Variants in BIN3 observed in about 807,000 individuals in gnomAD.
BIN3 encodes the protein bridging integrator 3.
BIN3 carries 41 observed loss-of-function variants against 38.2 expected under a neutral mutation model. The observed-to-expected ratio is 1.07, with a 90% CI of 0.84 to 1.39. The LOEUF is 1.39. Among genes scored for constraint, BIN3 ranks in the 40% most tolerant of loss-of-function variants. The probability of loss-of-function intolerance (pLI) is 0.00; values close to 1 mark genes in which losing one functional copy is unlikely to be tolerated. For missense variants in BIN3, 361 were observed against 324.3 expected (o/e 1.11, Z -0.87); for synonymous variants, 145 against 122.6 (o/e 1.18, Z -1.21).
intron 1 of BIN3, among the ~76,000 whole-genome samples, chr8:22,664,793 TCAGA>T (rs770485645): frequency 1.3e-5 from 2 of 152,142 alleles, no homozygotes; most frequent in Non-Finnish European, 2.9e-5. Flanking sequence ...AAGCATGAAG[TCAGA>T]CAAAGGACGG....
At chr8:22,668,962 G>T (rs1803517315) in intron 1 of BIN3, 82 bp downstream of exon 1, 1 of 1,532,410 alleles carries the variant, frequency 6.5e-7, no homozygotes, top group South Asian at 1.2e-5. Context: ...ACCGGAGGGA[G>T]CCGGGACGCG....
At chr8:22,668,974 C>A in intron 1 of BIN3, 70 bp downstream of exon 1, 2 of 1,546,874 alleles carry the variant, frequency 1.3e-6, no homozygotes, top group African/African-American at 1.4e-5. Flanking sequence ...CGGGACGCGG[C>A]ACTGACACAG....
At chr8:22,640,480 C>G (rs1044195687) in intron 2 of BIN3, among the ~76,000 whole-genome samples, 1 of 152,158 alleles carries the variant, frequency 6.6e-6, no homozygotes, top group African/African-American at 2.4e-5. Context: ...TGAGCCACCG[C>G]GCACGGCCCA....
chr8:22,624,078 T>A, intron 7 of BIN3, 29 bp from the exon 8 acceptor site: 2 of 1,507,874 alleles, frequency 1.3e-6, no homozygotes, highest in South Asian at 1.1e-5. Context: ...GTGTCAAAAC[T>A]CTCTCACTGC....
At chr8:22,658,628 C>A (rs1803134578) in intron 1 of BIN3, among the ~76,000 whole-genome samples, 1 of 152,192 alleles carries the variant, frequency 6.6e-6, no homozygotes, top group Admixed American at 6.5e-5. Context: ...GAACCCTAAA[C>A]CTGCTTCCTG....
chr8:22,630,063 G>C, intron 5 of BIN3, 59 bp from the exon 6 acceptor site: 2 of 1,505,518 alleles, frequency 1.3e-6, no homozygotes, highest in Non-Finnish European at 1.8e-6. Context: ...CGACACGCAA[G>C]GCAGGGCCCC....
chr8:22,660,397 G>A (rs1314343651), intron 1 of BIN3, among the ~76,000 whole-genome samples: 2 of 152,254 alleles, frequency 1.3e-5, no homozygotes, highest in African/African-American at 4.8e-5. Flanking sequence ...TAGACTCTGA[G>A]AGCACCAGAC....
chr8:22,623,213 AC>A (rs1315539495), intron 8 of BIN3, among the ~76,000 whole-genome samples: 1 of 152,148 alleles, frequency 6.6e-6, no homozygotes. Flanking sequence ...ATGGGTGCCC[AC>A]CCTTTTCTAT....
At chr8:22,630,948 C>T (rs566564340) in intron 4 of BIN3, among the ~76,000 whole-genome samples, 3 of 152,322 alleles carry the variant, frequency 2.0e-5, no homozygotes, top group Admixed American at 6.5e-5. Flanking sequence ...GTGGTTTGGA[C>T]GTGATGCTTG....
At chr8:22,630,119 C>T (rs781005843) in intron 5 of BIN3, 115 bp from the exon 6 acceptor site, 1 of 1,188,368 alleles carries the variant, frequency 8.4e-7, no homozygotes, top group Non-Finnish European at 1.2e-6. Context: ...AGGGTGCTGT[C>T]CTTGTCCTGG....
intron 1 of BIN3, among the ~76,000 whole-genome samples, chr8:22,646,156 G>A (rs1414243186): frequency 1.3e-5 from 2 of 152,178 alleles, no homozygotes; most frequent in Non-Finnish European, 2.9e-5. Flanking sequence ...GAGGCACTGA[G>A]CATTCTATGA....
intron 1 of BIN3, among the ~76,000 whole-genome samples, chr8:22,666,762 GTT>G (rs1803434833): frequency 6.6e-6 from 1 of 152,190 alleles, no homozygotes; most frequent in East Asian, 1.9e-4. Flanking sequence ...CAGAACAATG[GTT>G]ACCCTCTGGG....
Position 22,621,314 on chromosome 8 carries a change from C to G in BIN3, c.*108G>C, listed in dbSNP as rs549133253. ...TCATTGCAAAGGGCCGGCAAGTGAA[C>G]CAGGGCCACCTCTGTCCCCAGCCTG... On this transcript the variant is annotated 3_prime_UTR_variant, in exon 9 of 9. Coordinates refer to ENST00000276416, the MANE Select transcript of BIN3 (RefSeq NM_018688.6). 7.1e-7 allele frequency: 1 copy of G among 1,415,350 alleles called. No homozygotes were observed. The highest frequency in any genetic ancestry group is 9.4e-7 in the Non-Finnish European group (1 of 1,062,286). 87.7% of individuals were successfully genotyped at this position (1,415,350 alleles called of 1,614,324 possible).
intron 4 of BIN3, among the ~76,000 whole-genome samples, chr8:22,634,045 C>T (rs965426509): frequency 2.0e-5 from 3 of 152,226 alleles, no homozygotes; most frequent in Non-Finnish European, 2.9e-5. Context: ...TCCTTGGTTC[C>T]GTAGCAAGCC....
At chr8:22,624,438 G>A in intron 6 of BIN3, 75 bp from the exon 7 acceptor site, 9 of 1,551,044 alleles carry the variant, frequency 5.8e-6, no homozygotes, top group Non-Finnish European at 7.9e-6. Context: ...TGCTCTTGGA[G>A]GGGTGGCCTG....
rs1008316062 is a variant in BIN3, at chr8:22,620,824, T to C, written c.*598A>G. On this transcript the variant is annotated 3_prime_UTR_variant, in exon 9 of 9. Coordinates refer to ENST00000276416, the MANE Select transcript of BIN3 (RefSeq NM_018688.6). ...GTGAATTCTTGTGGGACAGTTCCAC[T>C]GACAGCTTGCGTTCCCGAGGTACCA... 1 of 152,344 alleles carries C rather than the reference T, an allele frequency of 6.6e-6. No individual in the cohort carries two copies. The highest frequency in any genetic ancestry group is 2.4e-5 in the African/African-American group (1 of 41,452). 9.4% of individuals were successfully genotyped at this position (152,344 alleles called of 1,614,324 possible). A position where few individuals can be genotyped will look rare whatever the true frequency, so the allele number is the denominator to read the frequency against.
intron 6 of BIN3, chr8:22,629,637 T>A (rs997065500): frequency 2.0e-5 from 9 of 439,490 alleles, no homozygotes; most frequent in Admixed American, 1.0e-4. Flanking sequence ...CTCTGCTAGC[T>A]CCATTCAGCA....
chr8:22,658,127 G>A (rs750189358), intron 1 of BIN3, among the ~76,000 whole-genome samples: 2 of 152,226 alleles, frequency 1.3e-5, no homozygotes, highest in Non-Finnish European at 2.9e-5. Flanking sequence ...TCTGGAGTAG[G>A]AGTCCTTGAT....
chr8:22,639,387 A>G (rs1330930112), intron 2 of BIN3, among the ~76,000 whole-genome samples: 1 of 152,100 alleles, frequency 6.6e-6, no homozygotes, highest in East Asian at 1.9e-4. Flanking sequence ...ATATGCCATT[A>G]TGCCTGGCTA....
Sources: allele counts gnomAD v4.1 joint callset (sites outside exome capture counted in the v4.1 genomes callset), GRCh38; gene constraint gnomAD v4.1.1; transcripts MANE v1.5; gene names NCBI Gene and HGNC (gene_info 2026-07-23, HGNC 2026-07-21).